HS2ST1: variants seen among roughly 807,000 people sequenced by gnomAD.
HS2ST1 encodes heparan sulfate 2-O-sulfotransferase 1.
In HS2ST1, 18 loss-of-function variants were observed where a neutral mutation model predicts 42.9. That is an observed-to-expected ratio of 0.42 (90% CI 0.29 to 0.62). The LOEUF (loss-of-function observed/expected upper bound fraction) is 0.62, where lower values mean the gene tolerates loss of function less well. Among genes scored for constraint, HS2ST1 ranks in the 20% least tolerant of loss-of-function variants. HS2ST1 has a pLI of 0.21. For synonymous variants in HS2ST1, 146 were observed against 152.9 expected (o/e 0.95, Z 0.33); for missense variants, 334 against 433.8 (o/e 0.77, Z 2.04).
intron 1 of HS2ST1, among the ~76,000 whole-genome samples, chr1:87,024,814 GTTTTAT>G (rs1466685618): frequency 1.3e-5 from 2 of 152,108 alleles, no homozygotes; most frequent in African/African-American, 4.8e-5. Flanking sequence ...TATTTCCTAA[GTTTTAT>G]TTTACCTATT....
At chr1:86,960,965 G>A (rs1307683689) in intron 1 of HS2ST1, among the ~76,000 whole-genome samples, 2 of 151,516 alleles carry the variant, frequency 1.3e-5, no homozygotes, top group African/African-American at 2.4e-5. Flanking sequence ...AAAATCTGCC[G>A]ATACATGTTT....
At chr1:87,022,260 A>G (rs916327354) in intron 1 of HS2ST1, among the ~76,000 whole-genome samples, 4 of 152,218 alleles carry the variant, frequency 2.6e-5, no homozygotes, top group African/African-American at 9.6e-5. Flanking sequence ...TAGCTTTCTT[A>G]CCTGTCATAT....
At chr1:86,926,659 T>C (rs1356442918) in intron 1 of HS2ST1, among the ~76,000 whole-genome samples, 1 of 152,170 alleles carries the variant, frequency 6.6e-6, no homozygotes, top group Non-Finnish European at 1.5e-5. Flanking sequence ...GGGTGAATCT[T>C]TGATTGTGTG....
intron 1 of HS2ST1, among the ~76,000 whole-genome samples, chr1:86,958,020 T>C (rs1047825705): frequency 6.6e-6 from 1 of 152,162 alleles, no homozygotes; most frequent in African/African-American, 2.4e-5. Context: ...CTCGAACTCC[T>C]GACCACGGTG....
intron 1 of HS2ST1, among the ~76,000 whole-genome samples, chr1:87,043,374 C>G (rs1276701448): frequency 6.6e-6 from 1 of 151,990 alleles, no homozygotes; most frequent in Non-Finnish European, 1.5e-5. Context: ...GTAGGTGGCT[C>G]TAAATTAAGC....
In HS2ST1 at chr1:87,028,975, A is replaced by G. The variant is rs188832637; in HGVS notation, c.125-43959A>G. ...TGTTCTATTCCTGGTTGAAATAACC[A>G]GATGCACTTAGTTTTAGACATGAGG... is the stretch of plus-strand genomic sequence containing the variant. On this transcript the variant is annotated intron_variant, in intron 1 of 6. Coordinates refer to ENST00000370550, the MANE Select transcript of HS2ST1 (RefSeq NM_012262.4). Among the ~76,000 whole-genome samples the G allele has an allele frequency of 1.4e-4, 21 of 152,304 alleles. 1 individual carries two copies. The East Asian group carries it at 3.3e-3, about 24-fold the overall frequency.
At chr1:87,039,035 C>T (rs1570503739) in intron 1 of HS2ST1, among the ~76,000 whole-genome samples, 1 of 152,010 alleles carries the variant, frequency 6.6e-6, no homozygotes, top group Non-Finnish European at 1.5e-5. Flanking sequence ...AATCATGAGC[C>T]AAATGACAAC....
intron 2 of HS2ST1, among the ~76,000 whole-genome samples, chr1:87,077,343 C>T (rs1344539214): frequency 6.6e-6 from 1 of 152,222 alleles, no homozygotes; most frequent in Non-Finnish European, 1.5e-5. Flanking sequence ...ACTAGCCACA[C>T]TGGCCTTGTG....
At chr1:86,929,065 G>C (rs2102162273) in intron 1 of HS2ST1, among the ~76,000 whole-genome samples, 1 of 151,948 alleles carries the variant, frequency 6.6e-6, no homozygotes, top group East Asian at 1.9e-4. Flanking sequence ...GTGTTTATAA[G>C]TGTTTTATGT....
Position 86,914,940 on chromosome 1 carries a change from GCTCCCGGCTCGGCGGGCTC to G in HS2ST1, c.-88_-70del, listed in dbSNP as rs1660107231. 2.7e-6 allele frequency: 4 copies of G among 1,497,940 alleles called. No homozygotes were observed. The South Asian group carries it at 3.4e-5, about 13-fold the overall frequency. 92.8% of individuals were successfully genotyped at this position (1,497,940 alleles called of 1,614,324 possible). A position where few individuals can be genotyped will look rare whatever the true frequency, so the allele number is the denominator to read the frequency against. On this transcript the variant is annotated 5_prime_UTR_variant, in exon 1 of 7. Coordinates refer to ENST00000370550, the MANE Select transcript of HS2ST1 (RefSeq NM_012262.4). The stretch of plus-strand genomic sequence containing the variant: ...CTCGCTGTCGCTCTCTCTTTGCCTC[GCTCCCGGCTCGGCGGGCTC>G]CTCCCGGCGTCTCTCTCGCCTCCGG...
intron 1 of HS2ST1, among the ~76,000 whole-genome samples, chr1:86,989,965 C>T (rs761835965): frequency 3.3e-5 from 5 of 151,822 alleles, no homozygotes; most frequent in Non-Finnish European, 5.9e-5. Flanking sequence ...TCTAGTCTGT[C>T]GTTGATGGGC....
intron 5 of HS2ST1, among the ~76,000 whole-genome samples, chr1:87,101,176 T>G (rs1394737899): frequency 7.7e-6 from 1 of 130,498 alleles, no homozygotes; most frequent in Non-Finnish European, 1.6e-5. Context: ...TTTTTTTTTT[T>G]TTTTTTTTTG....
chr1:86,967,789 A>T (rs1345226388), intron 1 of HS2ST1, among the ~76,000 whole-genome samples: 1 of 152,146 alleles, frequency 6.6e-6, no homozygotes, highest in African/African-American at 2.4e-5. Context: ...TCATATAATG[A>T]CTTCTTTTCC....
intron 1 of HS2ST1, among the ~76,000 whole-genome samples, chr1:86,968,084 T>A (rs1372079630): frequency 6.6e-6 from 1 of 152,252 alleles, no homozygotes; most frequent in Non-Finnish European, 1.5e-5. Context: ...TTTGGCCATT[T>A]GTATATCTTC....
At chr1:87,060,922 A>G (rs1408871090) in intron 1 of HS2ST1, among the ~76,000 whole-genome samples, 1 of 152,142 alleles carries the variant, frequency 6.6e-6, no homozygotes, top group East Asian at 1.9e-4. Flanking sequence ...TATCTAATAG[A>G]TCATCTCAGG....
chr1:86,990,545 A>C (rs2390222), intron 1 of HS2ST1, among the ~76,000 whole-genome samples: 111,911 of 151,516 alleles, frequency 0.74, 42,641 homozygotes, highest in East Asian at 0.97. Context: ...AGAGTTTGTA[A>C]CCCCTGTAGT....
chr1:86,954,758 A>ATATAT (rs1647629280), intron 1 of HS2ST1, among the ~76,000 whole-genome samples: 1 of 152,192 alleles, frequency 6.6e-6, no homozygotes, highest in Admixed American at 6.5e-5. Flanking sequence ...AGTATAAAAT[A>ATATAT]TATATTCAAT....
chr1:87,100,482 G>C (rs1652173058), intron 5 of HS2ST1, among the ~76,000 whole-genome samples: 1 of 152,194 alleles, frequency 6.6e-6, no homozygotes, highest in Non-Finnish European at 1.5e-5. Context: ...GTGATGGGAG[G>C]GGCAGCCTGG....
chr1:87,011,213 A>C (rs1055018323), intron 1 of HS2ST1, among the ~76,000 whole-genome samples: 2 of 152,104 alleles, frequency 1.3e-5, no homozygotes, highest in Admixed American at 6.5e-5. Context: ...GTTTTTGTTC[A>C]GTTATAATTC....
Sources: allele counts gnomAD v4.1 joint callset (sites outside exome capture counted in the v4.1 genomes callset), GRCh38; gene constraint gnomAD v4.1.1; transcripts MANE v1.5; gene names NCBI Gene and HGNC (gene_info 2026-07-23, HGNC 2026-07-21).